The following RAD21 variants were observed in gnomAD, a reference collection of about 807,000 sequenced individuals.
RAD21 encodes RAD21 cohesin complex component.
In RAD21, 18 loss-of-function variants were observed where a neutral mutation model predicts 71.5. The ratio of observed to expected loss-of-function variants is 0.25; its 90% CI spans 0.17 to 0.37. RAD21 has a LOEUF of 0.37. Among genes scored for constraint, RAD21 ranks in the 10% least tolerant of loss-of-function variants. RAD21 has a pLI of 1.00. For synonymous variants in RAD21, 248 were observed against 254.0 expected (o/e 0.98, Z 0.22); for missense variants, 493 against 769.1 (o/e 0.64, Z 4.25).
In RAD21 at chr8:116,866,823, A is replaced by G. The variant is rs145123415; in HGVS notation, c.-32-62T>C. On this transcript the variant is annotated intron_variant, in intron 1 of 13. Coordinates refer to ENST00000297338, the MANE Select transcript of RAD21 (RefSeq NM_006265.3). The stretch of plus-strand genomic sequence containing the variant: ...TGACAATTTAAATACTTATCAAGAC[A>G]TAAGAAATTTAAAATTTTTCTTCTC... 4.6e-4 allele frequency: 537 copies of G among 1,169,774 alleles called. 2 individuals carry two copies. The African/African-American group carries it at 7.8e-3, about 17-fold the overall frequency. 72.5% of individuals were successfully genotyped at this position (1,169,774 alleles called of 1,614,324 possible).
At position 116,847,496 on chromosome 8, in the gene RAD21, C is replaced by A. The variant is rs1812271308; in HGVS notation, c.*4G>T. 2 of 1,600,558 alleles carry A rather than the reference C, an allele frequency of 1.2e-6. No individual in the cohort carries two copies. Among genetic ancestry groups the A allele is most frequent in the Non-Finnish European group, 1.7e-6 (2 of 1,173,508 alleles). On this transcript the variant is annotated 3_prime_UTR_variant, in exon 14 of 14. Transcript: ENST00000297338. The stretch of plus-strand genomic sequence containing the variant: ...CAAACACTAGCTATAATGCTTCTAG[C>A]TCCTTATATAATATGGAACCTTGGT...
intron 3 of RAD21, among the ~76,000 whole-genome samples, chr8:116,862,719 A>C (rs1812614629): frequency 6.6e-6 from 1 of 152,166 alleles, no homozygotes; most frequent in African/African-American, 2.4e-5. Context: ...AAAACAAAAT[A>C]ACAAAAAACT....
At chr8:116,848,757 A>G (rs1812294729) in intron 13 of RAD21, 189 bp downstream of exon 13, 2 of 433,188 alleles carry the variant, frequency 4.6e-6, no homozygotes, top group Admixed American at 4.4e-5. Context: ...AACTTAAACT[A>G]TAATAAAAAA....
Position 116,853,166 on chromosome 8 carries a change from C to T in RAD21, c.1162-458G>A, listed in dbSNP as rs536376603. On this transcript the variant is annotated intron_variant, in intron 9 of 13. Transcript: ENST00000297338. Reference sequence around the variant, plus strand: ...CAATCTCAGCTCATTGCAACCTCCGCGCCCCCGGTTCAAGTGATTCTTGTG... The same window carrying T: ...CAATCTCAGCTCATTGCAACCTCCGTGCCCCCGGTTCAAGTGATTCTTGTG... 5.2e-4 allele frequency among the ~76,000 whole-genome samples: 79 copies of T among 152,228 alleles called. 1 individual carries two copies. Among genetic ancestry groups the T allele is most frequent in the Admixed American group, 3.6e-3 (55 of 15,300 alleles).
At chr8:116,871,228 T>C (rs537869909) in intron 1 of RAD21, among the ~76,000 whole-genome samples, 1 of 152,348 alleles carries the variant, frequency 6.6e-6, no homozygotes, top group East Asian at 1.9e-4. Context: ...TTAATCTGTT[T>C]AGATTTTGAA....
At chr8:116,865,104 T>C (rs1481262173) in intron 2 of RAD21, among the ~76,000 whole-genome samples, 1 of 152,134 alleles carries the variant, frequency 6.6e-6, no homozygotes, top group African/African-American at 2.4e-5. Context: ...TGTTACCAAA[T>C]AGATAAAAGC....
At chr8:116,859,918 G>A (rs1340335283) in intron 4 of RAD21, among the ~76,000 whole-genome samples, 3 of 152,082 alleles carry the variant, frequency 2.0e-5, no homozygotes, top group Admixed American at 2.0e-4. Flanking sequence ...AGTTCTTGAA[G>A]GAAATGAAAA....
intron 12 of RAD21, chr8:116,849,297 C>A: frequency 2.8e-6 from 1 of 353,818 alleles, no homozygotes. Context: ...AGGATGCTAT[C>A]TACACACACT....
intron 2 of RAD21, among the ~76,000 whole-genome samples, chr8:116,864,169 C>T (rs16888997): frequency 0.22 from 33,166 of 151,712 alleles, 4,461 homozygotes; most frequent in South Asian, 0.47. Flanking sequence ...GATAAGACTC[C>T]ATCTAAACAC....
intron 1 of RAD21, among the ~76,000 whole-genome samples, chr8:116,873,883 T>C (rs185622198): frequency 2.6e-5 from 4 of 152,312 alleles, no homozygotes; most frequent in Admixed American, 2.0e-4. Flanking sequence ...TTAATCACTT[T>C]AAAGAATGAT....
chr8:116,858,161 G>C (rs1425787947), intron 5 of RAD21, among the ~76,000 whole-genome samples, 191 bp downstream of exon 5: 1 of 152,106 alleles, frequency 6.6e-6, no homozygotes, highest in African/African-American at 2.4e-5. Context: ...GAGAGAAGTA[G>C]GTAAACAATT....
rs199944918 is a variant in RAD21, at chr8:116,854,258, T to C, written c.1148A>G (p.Asn383Ser). 6.2e-7 allele frequency: 1 copy of C among 1,611,554 alleles called. No individual in the cohort carries two copies. The highest frequency in any genetic ancestry group is 2.2e-5 in the East Asian group (1 of 44,860). The change falls in exon 9 of 14, where the codon AAC becomes AGC. Residue 383 changes from asparagine (N) to serine (S), a missense_variant. Physicochemically the swap from Asn to Ser is conservative, Grantham distance 46. Coordinates refer to ENST00000297338, the MANE Select transcript of RAD21 (RefSeq NM_006265.3). ...FSLPAQPLWN[N>S]RLLKLFTRCL... Reference sequence around the variant, plus strand: ...AAACTATATTACCTTCAGTAGTCTGTTATTCCACAAAGGCTGAGCAGGTAA... The same window carrying C: ...AAACTATATTACCTTCAGTAGTCTGCTATTCCACAAAGGCTGAGCAGGTAA...
chr8:116,865,888 T>C lies in RAD21; in HGVS notation c.144+698A>G, dbSNP rs189280807. On this transcript the variant is annotated intron_variant, in intron 2 of 13. Transcript: ENST00000297338. The stretch of plus-strand genomic sequence containing the variant: ...CACACACAGATAATCTTCCCCACAA[T>C]TGACACCTCCCATCGGTGTTTCATT... Among the ~76,000 whole-genome samples the C allele has an allele frequency of 1.8e-3, 273 of 152,254 alleles. 2 individuals carry two copies. Among genetic ancestry groups the C allele is most frequent in the South Asian group, 3.5e-3 (17 of 4,826 alleles).
intron 2 of RAD21, 48 bp downstream of exon 2, chr8:116,866,538 T>C (rs755033366): frequency 1.9e-6 from 3 of 1,551,536 alleles, no homozygotes; most frequent in South Asian, 1.2e-5. Context: ...ATTTCACATA[T>C]CAATAAACAA....
At chr8:116,856,846 C>T (rs781315196) in intron 6 of RAD21, 75 bp from the exon 7 acceptor site, 2 of 1,113,786 alleles carry the variant, frequency 1.8e-6, no homozygotes, top group Non-Finnish European at 2.4e-6. Context: ...AATGGAAAAA[C>T]AAAATTATGT....
Position 116,861,941 on chromosome 8 carries a change from C to CTA in RAD21, c.275-3_275-2dup, listed in dbSNP as rs1248859106. On this transcript the variant is annotated splice_acceptor_variant, in intron 3 of 13. Coordinates refer to ENST00000297338, the MANE Select transcript of RAD21 (RefSeq NM_006265.3). LOFTEE classifies it high-confidence loss of function. Reference sequence around the variant, plus strand: ...TTTTCCTCAGGCAGGTCAACCACACCTAGAAAAGAAATGCTAAGCTTAAAT... The same window carrying CTA: ...TTTTCCTCAGGCAGGTCAACCACACCTATAGAAAAGAAATGCTAAGCTTAAAT... The CTA allele has an allele frequency of 6.2e-7, 1 of 1,602,140 alleles. No individual in the cohort carries two copies. The highest frequency in any genetic ancestry group is 1.3e-5 in the African/African-American group (1 of 74,484).
At position 116,846,922 on chromosome 8, in the gene RAD21, A is replaced by C. The variant is rs569670987; in HGVS notation, c.*578T>G. ...TTTTTGTAGCTGAAGGCTATCAGTCATAACACAATTTCGCGTACACCTCTG... is the reference window on the plus strand; with the variant it reads ...TTTTTGTAGCTGAAGGCTATCAGTCCTAACACAATTTCGCGTACACCTCTG... On this transcript the variant is annotated 3_prime_UTR_variant, in exon 14 of 14. Coordinates refer to ENST00000297338, the MANE Select transcript of RAD21 (RefSeq NM_006265.3). 4.6e-6 allele frequency: 1 copy of C among 215,092 alleles called. No homozygotes were observed. Among genetic ancestry groups the C allele is most frequent in the Non-Finnish European group, 9.4e-6 (1 of 106,692 alleles). 13.3% of individuals were successfully genotyped at this position (215,092 alleles called of 1,614,324 possible).
At position 116,851,635 on chromosome 8, in the gene RAD21, C is replaced by A. The variant is rs550152344; in HGVS notation, c.1470+313G>T. Reference sequence around the variant, plus strand: ...TACTTAATAAGATGACCTAAAACTGCCTAGTACTGAAGGTGTGCAGGAATG... The same window carrying A: ...TACTTAATAAGATGACCTAAAACTGACTAGTACTGAAGGTGTGCAGGAATG... On this transcript the variant is annotated intron_variant, in intron 11 of 13. Coordinates refer to ENST00000297338, the MANE Select transcript of RAD21 (RefSeq NM_006265.3). The A allele has an allele frequency of 1.9e-5, 4 of 212,568 alleles. No individual in the cohort carries two copies. The East Asian group carries it at 3.9e-4, about 21-fold the overall frequency. 13.2% of individuals were successfully genotyped at this position (212,568 alleles called of 1,614,324 possible). A position where few individuals can be genotyped will look rare whatever the true frequency, so the allele number is the denominator to read the frequency against.
intron 1 of RAD21, 59 bp from the exon 2 acceptor site, chr8:116,866,820 G>A (rs181623391): frequency 3.4e-6 from 4 of 1,187,316 alleles, no homozygotes; most frequent in East Asian, 2.9e-5. Context: ...TACTTATCAA[G>A]ACATAAGAAA....
Sources: gnomAD v4.1 joint callset for allele counts (sites outside exome capture counted in the v4.1 genomes callset) on GRCh38, gnomAD v4.1.1 for gene constraint, MANE v1.5 for transcripts, NCBI Gene and HGNC (gene_info 2026-07-23, HGNC 2026-07-21) for gene names.